LRMDA: variants seen among roughly 807,000 people sequenced by gnomAD.
The protein encoded by LRMDA is leucine rich melanocyte differentiation associated.
LRMDA carries 18 observed loss-of-function variants against 29.8 expected under a neutral mutation model. The observed-to-expected ratio is 0.60, with a 90% CI of 0.42 to 0.90. The LOEUF (loss-of-function observed/expected upper bound fraction) is 0.90. Ranked by LOEUF, LRMDA falls within the 40% of genes least tolerant of loss-of-function variation. LRMDA has a pLI of 0.00. For missense variants in LRMDA, 273 were observed against 273.9 expected (o/e 1.00, Z 0.02); for synonymous variants, 125 against 109.4 (o/e 1.14, Z -0.89).
At chr10:76,383,548 A>C (rs1841621288) in intron 6 of LRMDA, among the ~76,000 whole-genome samples, 1 of 145,872 alleles carries the variant, frequency 6.9e-6, no homozygotes, top group Non-Finnish European at 1.5e-5. Context: ...CTCCTGCCTC[A>C]GCCTCCCGAG....
intron 2 of LRMDA, among the ~76,000 whole-genome samples, chr10:75,692,690 T>C (rs1395024360): frequency 6.6e-6 from 1 of 151,830 alleles, no homozygotes; most frequent in Non-Finnish European, 1.5e-5. Flanking sequence ...GTATGAATAG[T>C]GTTCCTCCCT....
At chr10:75,986,667 G>T (rs1847267071) in intron 2 of LRMDA, among the ~76,000 whole-genome samples, 1 of 152,258 alleles carries the variant, frequency 6.6e-6, no homozygotes, top group African/African-American at 2.4e-5. Flanking sequence ...CATCTGGAAA[G>T]ACCTGTTACC....
chr10:75,431,900 C>G, intron 1 of LRMDA, 146 bp downstream of exon 1: 1 of 830,682 alleles, frequency 1.2e-6, no homozygotes, highest in Non-Finnish European at 1.6e-6. Flanking sequence ...GGTGCTCAGG[C>G]TCGCCCTAGT....
chr10:76,235,317 A>G (rs1433429555), intron 5 of LRMDA, among the ~76,000 whole-genome samples: 1 of 152,186 alleles, frequency 6.6e-6, no homozygotes, highest in East Asian at 1.9e-4. Flanking sequence ...ATCAAAGATC[A>G]CTGATCACAG....
intron 5 of LRMDA, among the ~76,000 whole-genome samples, chr10:76,264,116 A>G (rs1383880527): frequency 6.6e-6 from 1 of 152,106 alleles, no homozygotes; most frequent in African/African-American, 2.4e-5. Context: ...AAGCAGGTTG[A>G]GGCCAGCCAT....
At chr10:76,474,948 T>C (rs1842651994) in intron 6 of LRMDA, among the ~76,000 whole-genome samples, 1 of 151,348 alleles carries the variant, frequency 6.6e-6, no homozygotes, top group Non-Finnish European at 1.5e-5. Context: ...AGTCAAAGAG[T>C]GGAAATAATC....
At chr10:75,436,031 G>T (rs11001390) in intron 1 of LRMDA, among the ~76,000 whole-genome samples, 1 of 147,428 alleles carries the variant, frequency 6.8e-6, no homozygotes, top group Non-Finnish European at 1.5e-5. Context: ...ATCAGCCTGA[G>T]CAACACAGTG....
chr10:76,285,796 T>C (rs1236917147), intron 5 of LRMDA, among the ~76,000 whole-genome samples: 1 of 152,214 alleles, frequency 6.6e-6, no homozygotes, highest in Non-Finnish European at 1.5e-5. Flanking sequence ...TCTAGAGTAC[T>C]AGTGTATTAG....
At chr10:76,165,355 C>A (rs1355891740) in intron 5 of LRMDA, among the ~76,000 whole-genome samples, 1 of 151,764 alleles carries the variant, frequency 6.6e-6, no homozygotes, top group African/African-American at 2.4e-5. Context: ...TTACTGTAAC[C>A]TCTGCCTTTG....
At position 75,835,811 on chromosome 10, in the gene LRMDA, C is replaced by T. The variant is rs200490591; in HGVS notation, c.132-200197C>T. On this transcript the variant is annotated intron_variant, in intron 2 of 6. Transcript: ENST00000611255. The stretch of plus-strand genomic sequence containing the variant: ...TCTGGGCTTTCATTGCAATGAGGTG[C>T]TTCTTTAGAAATAAGAAATGGTGAG... 1.4e-4 allele frequency among the ~76,000 whole-genome samples: 22 copies of T among 152,274 alleles called. No homozygotes were observed. The East Asian group carries it at 4.2e-3, about 29-fold the overall frequency.
At chr10:76,524,213 C>G (rs142319895) in intron 6 of LRMDA, among the ~76,000 whole-genome samples, 43 of 152,194 alleles carry the variant, frequency 2.8e-4, no homozygotes, top group African/African-American at 9.9e-4. Flanking sequence ...GAGCAAATGT[C>G]AGCTTAACTT....
chr10:76,219,069 G>C (rs1048460584), intron 5 of LRMDA, among the ~76,000 whole-genome samples: 6 of 152,162 alleles, frequency 3.9e-5, no homozygotes, highest in Admixed American at 1.3e-4. Context: ...TGCAATTAAA[G>C]ATTTTGTCAC....
chr10:76,062,565 T>C (rs1438325215), intron 5 of LRMDA, among the ~76,000 whole-genome samples: 1 of 152,038 alleles, frequency 6.6e-6, no homozygotes, highest in Non-Finnish European at 1.5e-5. Flanking sequence ...CTGGCTTCTG[T>C]CTGAGCTCTG....
chr10:76,466,045 TG>T (rs1033274854), intron 6 of LRMDA, among the ~76,000 whole-genome samples: 1 of 152,158 alleles, frequency 6.6e-6, no homozygotes, highest in African/African-American at 2.4e-5. Flanking sequence ...GAATTTTTGG[TG>T]GGGCACAGTT....
At chr10:76,387,659 A>T (rs937678233) in intron 6 of LRMDA, among the ~76,000 whole-genome samples, 3 of 152,146 alleles carry the variant, frequency 2.0e-5, no homozygotes, top group Non-Finnish European at 2.9e-5. Flanking sequence ...CCACAAAAAT[A>T]AGTCTTTTTA....
At chr10:75,631,886 G>T (rs980000448) in intron 2 of LRMDA, among the ~76,000 whole-genome samples, 7 of 152,138 alleles carry the variant, frequency 4.6e-5, no homozygotes, top group African/African-American at 1.7e-4. Flanking sequence ...GCCCTAAATT[G>T]ATTCCCTTAT....
At chr10:76,154,465 G>A (rs976817206) in intron 5 of LRMDA, among the ~76,000 whole-genome samples, 4 of 152,166 alleles carry the variant, frequency 2.6e-5, no homozygotes, top group Non-Finnish European at 5.9e-5. Flanking sequence ...AAGATGACTT[G>A]CAGTGAAGGA....
chr10:76,080,090 T>G (rs182039038), intron 5 of LRMDA, among the ~76,000 whole-genome samples: 1 of 152,156 alleles, frequency 6.6e-6, no homozygotes, highest in Non-Finnish European at 1.5e-5. Flanking sequence ...GAAATAGATA[T>G]GCCTTCATTA....
At chr10:76,495,701 A>G (rs1275027933) in intron 6 of LRMDA, among the ~76,000 whole-genome samples, 1 of 151,720 alleles carries the variant, frequency 6.6e-6, no homozygotes, top group African/African-American at 2.4e-5. Context: ...GAATTTTGTA[A>G]TTTTTTTATA....
Sources: gnomAD v4.1 joint callset for allele counts (sites outside exome capture counted in the v4.1 genomes callset) on GRCh38, gnomAD v4.1.1 for gene constraint, MANE v1.5 for transcripts, NCBI Gene and HGNC (gene_info 2026-07-23, HGNC 2026-07-21) for gene names.